CDC73: variants seen among roughly 807,000 people sequenced by gnomAD.
The protein encoded by CDC73 is cell division cycle 73, also known as parafibromin.
A neutral mutation model predicts 83.7 loss-of-function variants in CDC73; 21 were observed. That is an observed-to-expected ratio of 0.25 (90% CI 0.18 to 0.36). CDC73 has a LOEUF of 0.36. Ranked by LOEUF, CDC73 falls within the 10% of genes least tolerant of loss-of-function variation. The pLI is 1.00. For synonymous variants in CDC73, 224 were observed against 212.9 expected (o/e 1.05, Z -0.45); for missense variants, 342 against 653.3 (o/e 0.52, Z 5.19).
chr1:193,191,250 A>G (rs1676912973), intron 10 of CDC73, among the ~76,000 whole-genome samples: 1 of 152,206 alleles, frequency 6.6e-6, no homozygotes. Flanking sequence ...TGAGTCACCA[A>G]TATACCAGTC....
chr1:193,193,921 A>G (rs1195925021), intron 10 of CDC73, among the ~76,000 whole-genome samples: 1 of 151,900 alleles, frequency 6.6e-6, no homozygotes, highest in Non-Finnish European at 1.5e-5. Context: ...ATCATACTAA[A>G]TGTTTTCTTT....
rs574787900 is a variant in CDC73, at chr1:193,153,288, C to T, written c.972+844C>T. Among the ~76,000 whole-genome samples, 16 of 152,148 alleles carry T rather than the reference C, an allele frequency of 1.1e-4. No homozygotes were observed. In the East Asian group the frequency reaches 2.5e-3, roughly 24 times the overall value. On this transcript the variant is annotated intron_variant, in intron 10 of 16. Transcript: ENST00000367435. ...ACATTTTAAATTTTTATTTAATGAT[C>T]GGACTTGGTGATGTAGAACAGGAAT... is the stretch of plus-strand genomic sequence containing the variant.
At chr1:193,247,386 C>G (rs75648552) in intron 15 of CDC73, among the ~76,000 whole-genome samples, 6,267 of 151,884 alleles carry the variant, frequency 0.041, 416 homozygotes, top group African/African-American at 0.14. Context: ...TCCCTCATCT[C>G]TCTCTCTCTC....
chr1:193,153,011 G>T (rs1227590742), intron 10 of CDC73, among the ~76,000 whole-genome samples: 1 of 151,962 alleles, frequency 6.6e-6, no homozygotes, highest in Non-Finnish European at 1.5e-5. Context: ...CCTCGTGATC[G>T]CCCGCCTCAG....
At chr1:193,242,535 T>G (rs944486342) in intron 15 of CDC73, among the ~76,000 whole-genome samples, 1 of 152,198 alleles carries the variant, frequency 6.6e-6, no homozygotes, top group Non-Finnish European at 1.5e-5. Flanking sequence ...ACTCACTGTT[T>G]TGGTTCTTTT....
At position 193,202,613 on chromosome 1, in the gene CDC73, C is replaced by CTTTTTTTTTTTTTTTTTTTTT. The variant is rs35435159; in HGVS notation, c.973-1164_973-1163insTTTTTTTTTTTTTTTTTTTTT. Among the ~76,000 whole-genome samples, 4 of 126,444 alleles carry CTTTTTTTTTTTTTTTTTTTTT rather than the reference C, an allele frequency of 3.2e-5. 1 individual carries two copies. Among genetic ancestry groups the CTTTTTTTTTTTTTTTTTTTTT allele is most frequent in the South Asian group, 2.5e-4 (1 of 4,026 alleles). The allele number at this position is 126,444 out of a possible 152,430, so 83.0% of individuals were successfully genotyped here. On this transcript the variant is annotated intron_variant, in intron 10 of 16. Coordinates refer to ENST00000367435, the MANE Select transcript of CDC73 (RefSeq NM_024529.5). ...AGGATATTTTGCTGTCCTCAGGTGT[C>CTTTTTTTTTTTTTTTTTTTTT]TTTTTTTTTTTTTTTTTTCCTTCTT... is the stretch of plus-strand genomic sequence containing the variant.
At chr1:193,222,288 G>T (rs1244112619) in intron 13 of CDC73, among the ~76,000 whole-genome samples, 2 of 152,138 alleles carry the variant, frequency 1.3e-5, no homozygotes, top group East Asian at 3.9e-4. Context: ...TATGTAGAGG[G>T]TTCTCCTTAC....
intron 5 of CDC73, 125 bp from the exon 6 acceptor site, chr1:193,137,960 C>T: frequency 6.7e-6 from 5 of 746,036 alleles, no homozygotes; most frequent in Non-Finnish European, 1.2e-5. Context: ...TGAAGTTGGC[C>T]TAAAGACACT....
chr1:193,209,757 G>C (rs1345106505), intron 11 of CDC73, among the ~76,000 whole-genome samples: 1 of 151,880 alleles, frequency 6.6e-6, no homozygotes, highest in African/African-American at 2.4e-5. Flanking sequence ...TCTCAGCCTT[G>C]AGTTTAGTAA....
chr1:193,154,778 AT>A (rs576040253), intron 10 of CDC73, among the ~76,000 whole-genome samples: 2 of 152,002 alleles, frequency 1.3e-5, no homozygotes, highest in Non-Finnish European at 2.9e-5. Context: ...TCAATTTAAT[AT>A]TTTTTTCTCT....
At chr1:193,177,344 C>T (rs1434641099) in intron 10 of CDC73, among the ~76,000 whole-genome samples, 4 of 74,920 alleles carry the variant, frequency 5.3e-5, no homozygotes, top group African/African-American at 1.4e-4. Flanking sequence ...GAAACCCCAT[C>T]TCTACTAAAA....
chr1:193,181,555 T>G (rs1289861125), intron 10 of CDC73: 1 of 1,581,324 alleles, frequency 6.3e-7, no homozygotes, highest in East Asian at 2.2e-5. Context: ...TCTCCTCCAC[T>G]GAAGCATGTT....
intron 13 of CDC73, among the ~76,000 whole-genome samples, chr1:193,229,483 G>A (rs1374932794): frequency 6.6e-6 from 1 of 152,200 alleles, no homozygotes; most frequent in Non-Finnish European, 1.5e-5. Flanking sequence ...TTCTGTGATA[G>A]GAGGACGCAG....
intron 13 of CDC73, among the ~76,000 whole-genome samples, chr1:193,225,100 C>T (rs771951348): frequency 6.6e-6 from 1 of 151,858 alleles, no homozygotes; most frequent in Non-Finnish European, 1.5e-5. Flanking sequence ...ATCCTCATAG[C>T]TTAGCTCCCA....
rs1270039715 is a variant in CDC73, at chr1:193,168,118, C to CT, written c.972+15675dup. On this transcript the variant is annotated intron_variant, in intron 10 of 16. Coordinates refer to ENST00000367435, the MANE Select transcript of CDC73 (RefSeq NM_024529.5). ...TCAAGTGATCTGCCCGCCTCCACCT[C>CT]TGAGTGCTGGGATTACAGGTGTGAG... Among the ~76,000 whole-genome samples the CT allele has an allele frequency of 5.3e-5, 8 of 152,252 alleles. No homozygotes were observed. In the South Asian group the frequency reaches 1.2e-3, roughly 24 times the overall value.
intron 13 of CDC73, among the ~76,000 whole-genome samples, chr1:193,224,825 C>CT (rs768183139): frequency 1.2e-4 from 18 of 150,840 alleles, no homozygotes; most frequent in African/African-American, 2.7e-4. Flanking sequence ...AATGTGTTTT[C>CT]TTTTTTTTTC....
intron 15 of CDC73, among the ~76,000 whole-genome samples, chr1:193,244,598 A>G (rs1677919172): frequency 6.6e-6 from 1 of 152,200 alleles, no homozygotes; most frequent in Non-Finnish European, 1.5e-5. Context: ...ACGTTTTTTA[A>G]CATTTTTTAA....
chr1:193,173,330 T>C (rs572577418), intron 10 of CDC73, among the ~76,000 whole-genome samples: 2 of 152,336 alleles, frequency 1.3e-5, no homozygotes, highest in East Asian at 1.9e-4. Flanking sequence ...ACAGATTGTA[T>C]AATTACCATT....
chr1:193,232,251 G>A (rs1251551683), intron 13 of CDC73, among the ~76,000 whole-genome samples: 2 of 151,466 alleles, frequency 1.3e-5, no homozygotes, highest in African/African-American at 4.8e-5. Flanking sequence ...AAAAAAAAAA[G>A]TTTTATGAAG....
Sources: gnomAD v4.1 joint callset for allele counts (sites outside exome capture counted in the v4.1 genomes callset) on GRCh38, gnomAD v4.1.1 for gene constraint, MANE v1.5 for transcripts, NCBI Gene and HGNC (gene_info 2026-07-23, HGNC 2026-07-21) for gene names.